CDH13: variants seen among roughly 807,000 people sequenced by gnomAD.
The protein encoded by CDH13 is cadherin 13.
A neutral mutation model predicts 63.8 loss-of-function variants in CDH13; 24 were observed. The ratio of observed to expected loss-of-function variants is 0.38; its 90% CI spans 0.27 to 0.53. CDH13 has a LOEUF of 0.53. CDH13 is among the 20% of genes least tolerant of loss of function. The pLI is 0.85. For synonymous variants in CDH13, 503 were observed against 355.3 expected (o/e 1.42, Z -4.67); for missense variants, 1,049 against 903.1 (o/e 1.16, Z -2.07).
chr16:82,931,992 G>A (rs1050107109), intron 2 of CDH13, among the ~76,000 whole-genome samples: 2 of 152,228 alleles, frequency 1.3e-5, no homozygotes, highest in African/African-American at 4.8e-5. Context: ...GAATGAAAAG[G>A]GGGGCACAGT....
intron 7 of CDH13, among the ~76,000 whole-genome samples, chr16:83,522,964 C>A (rs1388925228): frequency 6.6e-6 from 1 of 152,200 alleles, no homozygotes; most frequent in Non-Finnish European, 1.5e-5. Context: ...AGGTGCTGTT[C>A]CCTCTGCCTA....
At chr16:83,436,600 C>G (rs940706451) in intron 6 of CDH13, among the ~76,000 whole-genome samples, 94 of 152,346 alleles carry the variant, frequency 6.2e-4, no homozygotes, top group Admixed American at 9.1e-4. Context: ...GTTAGCCTTC[C>G]CTGAACTCAT....
At chr16:83,786,714 G>A (rs1597232252) in intron 13 of CDH13, among the ~76,000 whole-genome samples, 1 of 151,818 alleles carries the variant, frequency 6.6e-6, no homozygotes, top group African/African-American at 2.4e-5. Flanking sequence ...CAGCCTCCCA[G>A]GTAGCTAGGA....
intron 2 of CDH13, among the ~76,000 whole-genome samples, chr16:82,973,529 A>C (rs1469907278): frequency 1.3e-5 from 2 of 152,178 alleles, no homozygotes; most frequent in Non-Finnish European, 2.9e-5. Flanking sequence ...AAAGGAAAAC[A>C]AGGTGTAGTC....
At chr16:82,959,760 G>A (rs758307114) in intron 2 of CDH13, among the ~76,000 whole-genome samples, 20 of 152,138 alleles carry the variant, frequency 1.3e-4, no homozygotes, top group Non-Finnish European at 2.4e-4. Flanking sequence ...GTAGTACTGC[G>A]TGGCATGGAT....
chr16:82,739,506 A>G (rs553740628), intron 1 of CDH13, among the ~76,000 whole-genome samples: 64 of 152,350 alleles, frequency 4.2e-4, no homozygotes, highest in Admixed American at 7.2e-4. Context: ...ACAGTTTACA[A>G]AGGTAAGAAT....
At chr16:83,276,564 G>A (rs2088994740) in intron 5 of CDH13, among the ~76,000 whole-genome samples, 1 of 152,154 alleles carries the variant, frequency 6.6e-6, no homozygotes, top group Non-Finnish European at 1.5e-5. Context: ...AGTCATGGCA[G>A]AAGACAAGAG....
intron 6 of CDH13, among the ~76,000 whole-genome samples, chr16:83,450,211 C>G (rs905910579): frequency 1.3e-5 from 2 of 152,222 alleles, no homozygotes; most frequent in African/African-American, 2.4e-5. Context: ...ATGATGCCCA[C>G]AAACCCACCT....
At chr16:83,793,342 G>A (rs902442461) in intron 13 of CDH13, among the ~76,000 whole-genome samples, 2 of 152,122 alleles carry the variant, frequency 1.3e-5, no homozygotes, top group Non-Finnish European at 2.9e-5. Context: ...GCATCCTAGA[G>A]CCAGAGCCTC....
intron 1 of CDH13, among the ~76,000 whole-genome samples, chr16:82,671,045 G>A (rs1466206656): frequency 6.6e-6 from 1 of 152,118 alleles, no homozygotes; most frequent in African/African-American, 2.4e-5. Flanking sequence ...ATATGATCTT[G>A]GTAAATCCTC....
At chr16:82,771,608 C>A (rs2035269325) in intron 1 of CDH13, among the ~76,000 whole-genome samples, 1 of 152,206 alleles carries the variant, frequency 6.6e-6, no homozygotes, top group Non-Finnish European at 1.5e-5. Flanking sequence ...CCCCAGTCCA[C>A]CAGCTTGTAT....
At chr16:83,530,596 C>G (rs1414974922) in intron 7 of CDH13, among the ~76,000 whole-genome samples, 1 of 152,244 alleles carries the variant, frequency 6.6e-6, no homozygotes, top group South Asian at 2.1e-4. Context: ...CAGGCTTTCA[C>G]ATCAACCACG....
chr16:82,997,040 G>A (rs111209995), intron 2 of CDH13, among the ~76,000 whole-genome samples: 15,104 of 145,322 alleles, frequency 0.1, 807 homozygotes, highest in African/African-American at 0.17. Context: ...TGGTGGTGAT[G>A]ATGATGATGA....
chr16:83,670,513 C>G (rs1405605246), intron 8 of CDH13, among the ~76,000 whole-genome samples: 1 of 152,088 alleles, frequency 6.6e-6, no homozygotes, highest in Non-Finnish European at 1.5e-5. Flanking sequence ...AGAGGAGGCA[C>G]AGCTGTTCTT....
chr16:82,908,836 C>T (rs1212116905), intron 2 of CDH13, among the ~76,000 whole-genome samples: 1 of 152,220 alleles, frequency 6.6e-6, no homozygotes, highest in African/African-American at 2.4e-5. Context: ...CCTTGAACTA[C>T]ATGGGTTTGA....
chr16:82,786,708 A>G (rs915022252), intron 1 of CDH13, among the ~76,000 whole-genome samples: 6 of 130,118 alleles, frequency 4.6e-5, no homozygotes, highest in African/African-American at 1.7e-4. Flanking sequence ...CCTGTGTCCA[A>G]GCGTTCTCAT....
intron 7 of CDH13, among the ~76,000 whole-genome samples, chr16:83,548,316 G>T (rs550404832): frequency 1.3e-5 from 2 of 152,238 alleles, no homozygotes; most frequent in East Asian, 3.9e-4. Context: ...GATATTTTTT[G>T]GTTGTTGCAA....
intron 1 of CDH13, among the ~76,000 whole-genome samples, chr16:82,640,273 T>C (rs140680750): frequency 2.0e-3 from 302 of 152,328 alleles, no homozygotes; most frequent in African/African-American, 6.6e-3. Flanking sequence ...TGCTACCGTT[T>C]GTGAAAGGAA....
intron 1 of CDH13, among the ~76,000 whole-genome samples, chr16:82,819,663 G>A (rs574882907): frequency 2.8e-4 from 42 of 152,294 alleles, no homozygotes; most frequent in Non-Finnish European, 5.4e-4. Flanking sequence ...CACTGGGCAG[G>A]GACTGGAGAG....
Sources: allele counts gnomAD v4.1 joint callset (sites outside exome capture counted in the v4.1 genomes callset), GRCh38; gene constraint gnomAD v4.1.1; transcripts MANE v1.5; gene names NCBI Gene and HGNC (gene_info 2026-07-23, HGNC 2026-07-21).